The following PHKB variants were observed in gnomAD, a reference collection of about 807,000 sequenced individuals.
PHKB encodes the protein phosphorylase b kinase regulatory subunit beta.
PHKB carries 122 observed loss-of-function variants against 152.1 expected under a neutral mutation model. The ratio of observed to expected loss-of-function variants is 0.80; its 90% CI spans 0.69 to 0.93. PHKB has a LOEUF of 0.93. Among genes scored for constraint, PHKB ranks in the 40% least tolerant of loss-of-function variants. The pLI is 0.00. For synonymous variants in PHKB, 436 were observed against 464.9 expected (o/e 0.94, Z 0.80); for missense variants, 1,304 against 1,328.4 (o/e 0.98, Z 0.29).
intron 16 of PHKB, among the ~76,000 whole-genome samples, chr16:47,644,559 G>A (rs1597146156): frequency 6.6e-6 from 1 of 152,222 alleles, no homozygotes; most frequent in East Asian, 1.9e-4. Context: ...TTTGAAATCG[G>A]TCCAAATCAC....
At chr16:47,641,744 G>T in intron 16 of PHKB, 52 bp downstream of exon 16, 2 of 966,718 alleles carry the variant, frequency 2.1e-6, no homozygotes, top group South Asian at 2.6e-5. Flanking sequence ...ACTAGAGCTT[G>T]ATGGTTGGAC....
At chr16:47,689,244 T>C in intron 27 of PHKB, 69 bp downstream of exon 27, 1 of 1,482,706 alleles carries the variant, frequency 6.7e-7, no homozygotes, top group Non-Finnish European at 9.4e-7. Flanking sequence ...TTTAGCTTGA[T>C]ATATCTATGA....
chr16:47,537,510 G>A lies in PHKB; in HGVS notation c.595-9923G>A, dbSNP rs1448296013. ...TTGTTCGTTTTTCTTCAGAAAACTG[G>A]CCCTTTTCAATGTTCAGTTTGACTG... On this transcript the variant is annotated intron_variant, in intron 6 of 30. Transcript: ENST00000323584. Among the ~76,000 whole-genome samples, 4 of 152,150 alleles carry A rather than the reference G, an allele frequency of 2.6e-5. No individual in the cohort carries two copies. In the East Asian group the frequency reaches 7.7e-4, roughly 29 times the overall value.
chr16:47,593,362 C>G, intron 10 of PHKB, 138 bp from the exon 11 acceptor site: 1 of 606,638 alleles, frequency 1.6e-6, no homozygotes. Context: ...ATCCCTTGAG[C>G]CCAGGAGGGC....
At chr16:47,698,182 T>TA (rs1451020485) in intron 29 of PHKB, among the ~76,000 whole-genome samples, 1 of 152,194 alleles carries the variant, frequency 6.6e-6, no homozygotes, top group African/African-American at 2.4e-5. Context: ...CATGATGGGT[T>TA]AGGAAAGTCA....
chr16:47,683,549 A>T (rs975113458), intron 26 of PHKB, among the ~76,000 whole-genome samples: 1 of 152,154 alleles, frequency 6.6e-6, no homozygotes, highest in Non-Finnish European at 1.5e-5. Flanking sequence ...CCGTGGCCAT[A>T]GGACCCTCCG....
chr16:47,555,052 A>G (rs1030820807), intron 7 of PHKB, among the ~76,000 whole-genome samples: 66 of 152,150 alleles, frequency 4.3e-4, no homozygotes, highest in African/African-American at 1.5e-3. Flanking sequence ...GCCATCACTA[A>G]AATATCAGAT....
intron 4 of PHKB, chr16:47,505,398 T>G (rs1228876933): frequency 6.6e-6 from 1 of 151,678 alleles, no homozygotes; most frequent in African/African-American, 2.4e-5. Flanking sequence ...TGGGTGGGGG[T>G]GGGGAAGGGC....
intron 10 of PHKB, among the ~76,000 whole-genome samples, chr16:47,592,568 G>A (rs1169142536): frequency 2.0e-5 from 3 of 152,184 alleles, no homozygotes; most frequent in African/African-American, 7.2e-5. Flanking sequence ...CTCCTTTCCT[G>A]TAAACATTCC....
At chr16:47,483,031 TTTC>T (rs1289677455) in intron 1 of PHKB, among the ~76,000 whole-genome samples, 1 of 135,210 alleles carries the variant, frequency 7.4e-6, no homozygotes, top group East Asian at 2.6e-4. Flanking sequence ...TATTAAATAA[TTTC>T]TTTTTTTTTT....
intron 7 of PHKB, among the ~76,000 whole-genome samples, chr16:47,569,207 A>C (rs979230867): frequency 3.9e-5 from 6 of 152,198 alleles, no homozygotes; most frequent in African/African-American, 1.4e-4. Context: ...CTCCAGTGTT[A>C]GCTGCATATG....
chr16:47,659,228 T>C (rs1973395079), intron 20 of PHKB, among the ~76,000 whole-genome samples: 1 of 152,182 alleles, frequency 6.6e-6, no homozygotes, highest in Admixed American at 6.5e-5. Context: ...CATCTGTAAA[T>C]GGGCATTTGT....
chr16:47,674,047 T>C (rs1973682873), intron 26 of PHKB, among the ~76,000 whole-genome samples: 1 of 152,176 alleles, frequency 6.6e-6, no homozygotes, highest in Admixed American at 6.5e-5. Context: ...GGCTTTAGTG[T>C]TTATTTCTAA....
chr16:47,641,044 G>T lies in PHKB; in HGVS notation c.1468G>T (p.Glu490Ter). 1 of 1,613,888 alleles carries T rather than the reference G, an allele frequency of 6.2e-7. No homozygotes were observed. Among genetic ancestry groups the T allele is most frequent in the Non-Finnish European group, 8.5e-7 (1 of 1,179,840 alleles). ...SMRFSNQGPL[E>*]NDLVVHVALI... ...TTATTCTGCATTACAGGGCCCACTG[G>T]AAAATGACTTGGTAGTTCATGTGGC... The change falls in exon 15 of 31, where the codon GAA (glutamate) becomes TAA (stop). Residue 490 changes from glutamate to a stop codon, truncating the protein, a stop_gained. Transcript: ENST00000323584. LOFTEE classifies it high-confidence loss of function.
At chr16:47,652,529 T>C (rs1973255887) in intron 20 of PHKB, among the ~76,000 whole-genome samples, 1 of 152,132 alleles carries the variant, frequency 6.6e-6, no homozygotes, top group Non-Finnish European at 1.5e-5. Flanking sequence ...TAACATTCCC[T>C]TTTCTCTACA....
At chr16:47,663,619 ATGT>A in intron 23 of PHKB, 55 bp from the exon 24 acceptor site, 1 of 1,381,142 alleles carries the variant, frequency 7.2e-7, no homozygotes, top group Non-Finnish European at 1.0e-6. Context: ...AGAGGAATAA[ATGT>A]TGTGCATTTA....
chr16:47,497,919 C>T (rs1970260744), intron 2 of PHKB, among the ~76,000 whole-genome samples: 1 of 152,018 alleles, frequency 6.6e-6, no homozygotes, highest in Non-Finnish European at 1.5e-5. Context: ...TTATTAATAT[C>T]AGGGCGCTTG....
intron 12 of PHKB, among the ~76,000 whole-genome samples, chr16:47,595,393 G>A (rs1332885855): frequency 1.3e-5 from 2 of 152,110 alleles, no homozygotes; most frequent in Non-Finnish European, 1.5e-5. Flanking sequence ...GGCTAATATT[G>A]CAAAAAGTCT....
chr16:47,650,674 A>T, intron 19 of PHKB, 48 bp downstream of exon 19: 1 of 1,341,008 alleles, frequency 7.5e-7, no homozygotes, highest in Non-Finnish European at 1.1e-6. Flanking sequence ...TGACATGAAC[A>T]CAGTGAGCCC....
Sources: gnomAD v4.1 joint callset for allele counts (sites outside exome capture counted in the v4.1 genomes callset) on GRCh38, gnomAD v4.1.1 for gene constraint, MANE v1.5 for transcripts, NCBI Gene and HGNC (gene_info 2026-07-23, HGNC 2026-07-21) for gene names.